Variants in UBAC1 observed in about 807,000 individuals in gnomAD.
UBAC1 encodes UBA domain containing 1.
Under a neutral mutation model 45.9 loss-of-function variants are expected in UBAC1, and 27 were observed. The observed-to-expected ratio is 0.59, with a 90% confidence interval of 0.43 to 0.81. UBAC1 has a LOEUF of 0.81. UBAC1 is among the 30% of genes least tolerant of loss of function. UBAC1 has a pLI of 0.00. For synonymous variants in UBAC1, 227 were observed against 215.5 expected (o/e 1.05, Z -0.47); for missense variants, 529 against 539.2 (o/e 0.98, Z 0.19).
chr9:135,948,698 G>A (rs2131089585), intron 3 of UBAC1, among the ~76,000 whole-genome samples: 1 of 152,364 alleles, frequency 6.6e-6, no homozygotes, highest in Middle Eastern at 3.4e-3. Flanking sequence ...CAGCCAAGAG[G>A]TGGGAGGGGG....
chr9:135,955,748 T>C (rs1012663788), intron 1 of UBAC1, among the ~76,000 whole-genome samples: 24 of 152,198 alleles, frequency 1.6e-4, no homozygotes, highest in African/African-American at 5.3e-4. Flanking sequence ...AGCAGATCCA[T>C]TGTTTCCTGA....
At chr9:135,935,628 T>G (rs1839194756) in intron 9 of UBAC1, among the ~76,000 whole-genome samples, 2 of 151,854 alleles carry the variant, frequency 1.3e-5, no homozygotes. Context: ...CAAGACCCTG[T>G]CTCCATAAAA....
intron 3 of UBAC1, among the ~76,000 whole-genome samples, chr9:135,950,040 G>A (rs983350440): frequency 1.3e-5 from 2 of 152,166 alleles, no homozygotes; most frequent in Admixed American, 6.5e-5. Context: ...AAAATGGGTC[G>A]GAACTGGACT....
intron 3 of UBAC1, among the ~76,000 whole-genome samples, chr9:135,952,723 G>A (rs541738706): frequency 8.5e-5 from 13 of 152,326 alleles, no homozygotes; most frequent in Middle Eastern, 3.4e-3. Context: ...TGAAATGCCC[G>A]GGACCAGAAC....
chr9:135,945,747 T>C (rs1839323681), intron 6 of UBAC1, 142 bp downstream of exon 6: 2 of 642,322 alleles, frequency 3.1e-6, no homozygotes, highest in African/African-American at 3.7e-5. Context: ...GAGGCACATA[T>C]TTAAGGTACC....
intron 7 of UBAC1, among the ~76,000 whole-genome samples, chr9:135,943,639 A>T (rs980729285): frequency 1.6e-4 from 25 of 152,258 alleles, no homozygotes; most frequent in African/African-American, 6.0e-4. Flanking sequence ...TCATTCTGTT[A>T]TAAAGATATG....
intron 1 of UBAC1, among the ~76,000 whole-genome samples, chr9:135,956,672 C>T (rs866044303): frequency 2.6e-5 from 4 of 152,276 alleles, no homozygotes; most frequent in South Asian, 2.1e-4. Flanking sequence ...CCTCCCCAGC[C>T]GGAATCGTGG....
chr9:135,955,507 A>G, intron 1 of UBAC1, 92 bp from the exon 2 acceptor site: 2 of 1,332,630 alleles, frequency 1.5e-6, no homozygotes, highest in South Asian at 3.5e-5. Context: ...CCAGGAATTT[A>G]CTGGGTTTTC....
chr9:135,945,987 G>A lies in UBAC1; in HGVS notation c.555C>T (p.Asp185=), dbSNP rs140571151. Residue 185 remains aspartate, a synonymous_variant, in exon 6 of 10, where the codon GAC becomes GAT. Coordinates refer to ENST00000371756, the MANE Select transcript of UBAC1 (RefSeq NM_016172.3). ...ELFKKANAML[D]EDEDERVDEA... is the part of the protein sequence containing the mutation. ...CGTCCACACGCTCATCCTCGTCCTC[G>A]TCCAGCATTGCTGCAGGGAGACGAC... The A allele has an allele frequency of 1.5e-5, 24 of 1,613,482 alleles. No homozygotes were observed. The highest frequency in any genetic ancestry group is 5.0e-5 in the Admixed American group (3 of 60,008).
intron 1 of UBAC1, among the ~76,000 whole-genome samples, chr9:135,956,582 GACAGC>G (rs774326445): frequency 6.6e-6 from 1 of 151,890 alleles, no homozygotes; most frequent in Non-Finnish European, 1.5e-5. Context: ...CCCGACACAC[GACAGC>G]ACAGCACAGC....
intron 3 of UBAC1, among the ~76,000 whole-genome samples, chr9:135,949,988 C>T (rs939319157): frequency 3.9e-5 from 6 of 152,210 alleles, no homozygotes; most frequent in South Asian, 4.1e-4. Context: ...ATGCAGGCCG[C>T]GCCCAGGCCC....
Position 135,945,887 on chromosome 9 carries a change from A to G in UBAC1, c.653+2T>C. 1 of 1,613,770 alleles carries G rather than the reference A, an allele frequency of 6.2e-7. No individual in the cohort carries two copies. Among genetic ancestry groups the G allele is most frequent in the Non-Finnish European group, 8.5e-7 (1 of 1,179,858 alleles). On this transcript the variant is annotated splice_donor_variant, in intron 6 of 9. Transcript: ENST00000371756. LOFTEE classifies it high-confidence loss of function. ...AAGGGAAGGAGGTGGCCCCCCACGC[A>G]CTGGTTCAGCTGAAGGGCCTTGGTG...
At position 135,939,669 on chromosome 9, in the gene UBAC1, T is replaced by C; in HGVS notation, c.963+4A>G. On this transcript the variant is annotated splice_donor_region_variant and intron_variant, in intron 8 of 9. Coordinates refer to ENST00000371756, the MANE Select transcript of UBAC1 (RefSeq NM_016172.3). Reference sequence around the variant, plus strand: ...ACACTCACTCACCACAGCCCAACACTCACCGCGGCATTCTGCTGGTTGTTG... The same window carrying C: ...ACACTCACTCACCACAGCCCAACACCCACCGCGGCATTCTGCTGGTTGTTG... 6.2e-7 allele frequency: 1 copy of C among 1,612,226 alleles called. No individual in the cohort carries two copies.
chr9:135,960,503 C>T (rs567203194), intron 1 of UBAC1, among the ~76,000 whole-genome samples: 3 of 152,264 alleles, frequency 2.0e-5, no homozygotes, highest in South Asian at 4.1e-4. Context: ...TCCAAGCAGC[C>T]GGCTCTGCGG....
chr9:135,953,540 G>C lies in UBAC1; in HGVS notation c.333+140C>G, dbSNP rs958019576. ...TCACCATATTTGCCAGGATGGTCTT[G>C]ATCTCTTGACCTCGTGATCCACCCG... On this transcript the variant is annotated intron_variant, in intron 3 of 9. Transcript: ENST00000371756. 2.1e-5 allele frequency: 12 copies of C among 568,248 alleles called. No individual in the cohort carries two copies. The African/African-American group carries it at 2.1e-4, about 10-fold the overall frequency. 35.2% of individuals were successfully genotyped at this position (568,248 alleles called of 1,614,324 possible). A position where few individuals can be genotyped will look rare whatever the true frequency, so the allele number is the denominator to read the frequency against.
At chr9:135,959,477 C>A (rs942545714) in intron 1 of UBAC1, among the ~76,000 whole-genome samples, 1 of 149,406 alleles carries the variant, frequency 6.7e-6, no homozygotes, top group African/African-American at 2.5e-5. Flanking sequence ...CGGGTTCAAG[C>A]GATTACCCTG....
intron 9 of UBAC1, among the ~76,000 whole-genome samples, chr9:135,936,251 A>G (rs1037392725): frequency 6.6e-6 from 1 of 152,114 alleles, no homozygotes; most frequent in Admixed American, 6.6e-5. Context: ...CCTAAGGTAT[A>G]CAAACAGCTG....
chr9:135,938,460 T>C lies in UBAC1; in HGVS notation c.964-100A>G. On this transcript the variant is annotated intron_variant, in intron 8 of 9. Transcript: ENST00000371756. Reference sequence around the variant, plus strand: ...GACAGCTCCTGCACCTTTCTGTGAGTTCCTGTTGAGCCCCCAGGGCTGATC... The same window carrying C: ...GACAGCTCCTGCACCTTTCTGTGAGCTCCTGTTGAGCCCCCAGGGCTGATC... 16 of 1,457,912 alleles carry C rather than the reference T, an allele frequency of 1.1e-5. No individual in the cohort carries two copies. The South Asian group carries it at 1.6e-4, about 15-fold the overall frequency. The allele number at this position is 1,457,912 out of a possible 1,614,324, so 90.3% of individuals were successfully genotyped here. A position where few individuals can be genotyped will look rare whatever the true frequency, so the allele number is the denominator to read the frequency against.
In UBAC1 at chr9:135,934,372, C is replaced by T. The variant is rs1004491956; in HGVS notation, c.1103-857G>A. 3.3e-5 allele frequency among the ~76,000 whole-genome samples: 5 copies of T among 152,168 alleles called. No homozygotes were observed. The South Asian group carries it at 8.3e-4, about 25-fold the overall frequency. On this transcript the variant is annotated intron_variant, in intron 9 of 9. Coordinates refer to ENST00000371756, the MANE Select transcript of UBAC1 (RefSeq NM_016172.3). ...GTCTCCAAAAACCACTTTAAAATCT[C>T]AGAAAAAGCCAGGCACGGTGGCTCA...
Sources: allele counts gnomAD v4.1 joint callset (sites outside exome capture counted in the v4.1 genomes callset), GRCh38; gene constraint gnomAD v4.1.1; transcripts MANE v1.5; gene names NCBI Gene and HGNC (gene_info 2026-07-23, HGNC 2026-07-21).